APAF1: variants seen among roughly 807,000 people sequenced by gnomAD.
APAF1 encodes the protein apoptotic peptidase activating factor 1.
In APAF1, 91 loss-of-function variants were observed where a neutral mutation model predicts 152.4. That is an observed-to-expected ratio of 0.60 (90% CI 0.50 to 0.71). The LOEUF (loss-of-function observed/expected upper bound fraction) is 0.71, where lower values mean the gene tolerates loss of function less well. Among genes scored for constraint, APAF1 ranks in the 30% least tolerant of loss-of-function variants. The pLI is 0.00. For missense variants in APAF1, 1,283 were observed against 1,472.0 expected (o/e 0.87, Z 2.10); for synonymous variants, 484 against 494.1 (o/e 0.98, Z 0.27).
chr12:98,699,587 C>A lies in APAF1; in HGVS notation c.2466+18C>A. 1 of 1,613,046 alleles carries A rather than the reference C, an allele frequency of 6.2e-7. No individual in the cohort carries two copies. The highest frequency in any genetic ancestry group is 8.5e-7 in the Non-Finnish European group (1 of 1,179,112). On this transcript the variant is annotated intron_variant, in intron 17 of 26. Transcript: ENST00000551964. ...AAATCTTTGTAAGTACTTTAAAAAG[C>A]CAACTTCAGTCTGATTTAAAGAAAG...
intron 24 of APAF1, among the ~76,000 whole-genome samples, chr12:98,724,753 C>G (rs2097747957): frequency 6.6e-6 from 1 of 152,052 alleles, no homozygotes; most frequent in Non-Finnish European, 1.5e-5. Context: ...TGTGATTAAA[C>G]TATAAACTTT....
chr12:98,661,310 C>G (rs2097664947), intron 5 of APAF1, among the ~76,000 whole-genome samples: 1 of 152,032 alleles, frequency 6.6e-6, no homozygotes, highest in Non-Finnish European at 1.5e-5. Context: ...TCCTTTTTTG[C>G]AAAATTAAAA....
rs1316666407 is a variant in APAF1, at chr12:98,645,674, C to T, written c.-203C>T. ...ATCCAGGGGAGGCGCCTGTGAGGCC[C>T]GGACCTGCCCCGGGGCGAAGGGTAT... On this transcript the variant is annotated 5_prime_UTR_variant, in exon 1 of 27. Coordinates refer to ENST00000551964, the MANE Select transcript of APAF1 (RefSeq NM_181861.2). 2 of 152,282 alleles carry T rather than the reference C, an allele frequency of 1.3e-5. No homozygotes were observed. Among genetic ancestry groups the T allele is most frequent in the African/African-American group, 2.4e-5 (1 of 41,452 alleles). The allele number at this position is 152,282 out of a possible 1,614,324, so 9.4% of individuals were successfully genotyped here. A position where few individuals can be genotyped will look rare whatever the true frequency, so the allele number is the denominator to read the frequency against.
intron 15 of APAF1, among the ~76,000 whole-genome samples, chr12:98,685,064 A>G (rs2097696543): frequency 6.6e-6 from 1 of 152,240 alleles, no homozygotes; most frequent in South Asian, 2.1e-4. Context: ...AGTCAAAGAT[A>G]GAAGTGGACA....
At chr12:98,677,191 A>G (rs1410960049) in intron 12 of APAF1, among the ~76,000 whole-genome samples, 6 of 152,222 alleles carry the variant, frequency 3.9e-5, no homozygotes, top group Non-Finnish European at 8.8e-5. Context: ...GACATTTGTA[A>G]CACGTGACAG....
chr12:98,732,766 G>A lies in APAF1; in HGVS notation c.*200G>A. 1 of 549,828 alleles carries A rather than the reference G, an allele frequency of 1.8e-6. No homozygotes were observed. The highest frequency in any genetic ancestry group is 3.2e-6 in the Non-Finnish European group (1 of 310,860). 34.1% of individuals were successfully genotyped at this position (549,828 alleles called of 1,614,324 possible). A position where few individuals can be genotyped will look rare whatever the true frequency, so the allele number is the denominator to read the frequency against. On this transcript the variant is annotated 3_prime_UTR_variant, in exon 27 of 27. Coordinates refer to ENST00000551964, the MANE Select transcript of APAF1 (RefSeq NM_181861.2). Reference sequence around the variant, plus strand: ...ACATACCTTTAATCTTGTTTTTCATGATCATCATTAACAGTTTGTCCTTAG... The same window carrying A: ...ACATACCTTTAATCTTGTTTTTCATAATCATCATTAACAGTTTGTCCTTAG...
chr12:98,713,364 A>G (rs536993752), intron 21 of APAF1, among the ~76,000 whole-genome samples: 1 of 152,144 alleles, frequency 6.6e-6, no homozygotes, highest in Non-Finnish European at 1.5e-5. Context: ...TCCTCTTCTT[A>G]GAAGCCCAGC....
intron 2 of APAF1, 27 bp from the exon 3 acceptor site, chr12:98,648,599 T>G: frequency 1.2e-6 from 2 of 1,611,874 alleles, no homozygotes; most frequent in Non-Finnish European, 1.7e-6. Flanking sequence ...TTCATTGTTG[T>G]ATACTAAACT....
chr12:98,715,650 A>G lies in APAF1; in HGVS notation c.3084+98A>G, dbSNP rs369100773. ...ATCTGGTGTATATTTTAAACACATT[A>G]CGTTGGGCATACATTCAGATTATGT... On this transcript the variant is annotated intron_variant, in intron 22 of 26. Coordinates refer to ENST00000551964, the MANE Select transcript of APAF1 (RefSeq NM_181861.2). The G allele has an allele frequency of 3.4e-5, 47 of 1,376,124 alleles. 1 individual carries two copies. Among genetic ancestry groups the G allele is most frequent in the East Asian group, 1.6e-4 (7 of 43,130 alleles). 85.2% of individuals were successfully genotyped at this position (1,376,124 alleles called of 1,614,324 possible). A position where few individuals can be genotyped will look rare whatever the true frequency, so the allele number is the denominator to read the frequency against.
intron 9 of APAF1, 103 bp downstream of exon 9, chr12:98,666,460 C>T (rs1210202649): frequency 9.4e-7 from 1 of 1,066,226 alleles, no homozygotes; most frequent in Admixed American, 2.4e-5. Context: ...TGCATAAGTC[C>T]TTCACCTAGC....
intron 16 of APAF1, 97 bp downstream of exon 16, chr12:98,686,970 A>G (rs562612565): frequency 8.0e-6 from 10 of 1,246,282 alleles, no homozygotes; most frequent in Non-Finnish European, 1.2e-5. Flanking sequence ...ATTTCTACAG[A>G]AAGAGCCTGC....
At position 98,665,791 on chromosome 12, in the gene APAF1, G is replaced by A; in HGVS notation, c.1194G>A (p.Lys398=). The A allele has an allele frequency of 6.3e-7, 1 of 1,596,336 alleles. No individual in the cohort carries two copies. Among genetic ancestry groups the A allele is most frequent in the Non-Finnish European group, 8.6e-7 (1 of 1,163,952 alleles). ...AGAAGGACGTTAAGGTGCCTACAAA[G>A]GTAATGGGATCAATGATCCTCATCA... ...ILQKDVKVPT[K]VLCILWDMET... The change falls in exon 8 of 27, where the codon AAG becomes AAA. Residue 398 remains lysine, a splice_region_variant and synonymous_variant. Coordinates refer to ENST00000551964, the MANE Select transcript of APAF1 (RefSeq NM_181861.2).
chr12:98,649,426 A>T, intron 3 of APAF1, 61 bp from the exon 4 acceptor site: 5 of 1,560,784 alleles, frequency 3.2e-6, no homozygotes, highest in Non-Finnish European at 4.4e-6. Context: ...TTTTTATGGT[A>T]TTACTTCAGT....
At chr12:98,646,540 A>G (rs1467447474) in intron 1 of APAF1, among the ~76,000 whole-genome samples, 1 of 152,208 alleles carries the variant, frequency 6.6e-6, no homozygotes, top group Non-Finnish European at 1.5e-5. Context: ...CACTTCGGGC[A>G]TTCACATTCC....
intron 4 of APAF1, among the ~76,000 whole-genome samples, chr12:98,653,690 AAATATAT>A (rs2097652357): frequency 1.6e-5 from 1 of 60,994 alleles, no homozygotes; most frequent in African/African-American, 6.5e-5. Context: ...AAAAAAAAAA[AAATATAT>A]ATATATATAT....
chr12:98,715,243 T>TGC (rs2097733001), intron 21 of APAF1, among the ~76,000 whole-genome samples, 184 bp from the exon 22 acceptor site: 4 of 52,090 alleles, frequency 7.7e-5, no homozygotes, highest in Non-Finnish European at 3.8e-5. Flanking sequence ...TGCATATATA[T>TGC]ATATATATAT....
intron 16 of APAF1, among the ~76,000 whole-genome samples, chr12:98,690,353 A>G (rs879390666): frequency 2.4e-4 from 36 of 152,172 alleles, no homozygotes; most frequent in Middle Eastern, 3.2e-3. Context: ...CCTCTATGCT[A>G]TATCTATCTG....
chr12:98,677,575 AT>A, intron 13 of APAF1, 24 bp downstream of exon 13: 1 of 1,614,102 alleles, frequency 6.2e-7, no homozygotes, highest in Non-Finnish European at 8.5e-7. Context: ...CTTGAGAAAA[AT>A]GCAAAGAGGC....
intron 4 of APAF1, among the ~76,000 whole-genome samples, chr12:98,654,820 T>C (rs945547557): frequency 7.4e-5 from 11 of 148,060 alleles, no homozygotes; most frequent in Non-Finnish European, 1.3e-4. Context: ...TATTTTCTTT[T>C]TTTTTTTTTT....
Sources: gnomAD v4.1 joint callset for allele counts (sites outside exome capture counted in the v4.1 genomes callset) on GRCh38, gnomAD v4.1.1 for gene constraint, MANE v1.5 for transcripts, NCBI Gene and HGNC (gene_info 2026-07-23, HGNC 2026-07-21) for gene names.